DLGAP1: variants seen among roughly 807,000 people sequenced by gnomAD.
DLGAP1 encodes the protein DLG associated protein 1.
In DLGAP1, 11 loss-of-function variants were observed where a neutral mutation model predicts 90.8. The ratio of observed to expected loss-of-function variants is 0.12; its 90% CI spans 0.08 to 0.20. The LOEUF is 0.20. Among genes scored for constraint, DLGAP1 ranks in the 10% least tolerant of loss-of-function variants. DLGAP1 has a pLI of 1.00. For synonymous variants in DLGAP1, 558 were observed against 540.7 expected, an observed-to-expected ratio of 1.03 and a Z score of -0.44; for missense variants, 1,050 against 1,333.8, an observed-to-expected ratio of 0.79 and a Z score of 3.31.
chr18:4,292,815 G>A (rs2079884812), intron 1 of DLGAP1, among the ~76,000 whole-genome samples: 1 of 152,156 alleles, frequency 6.6e-6, no homozygotes, highest in Non-Finnish European at 1.5e-5. Flanking sequence ...AGAAATGTGT[G>A]ACATGGGACC....
chr18:3,816,179 GAGA>G (rs2067095038), intron 4 of DLGAP1, among the ~76,000 whole-genome samples: 1 of 152,160 alleles, frequency 6.6e-6, no homozygotes, highest in Admixed American at 6.5e-5. Context: ...CAGGAGGTCA[GAGA>G]AGGTGAGTAA....
intron 7 of DLGAP1, among the ~76,000 whole-genome samples, chr18:3,673,493 G>C (rs2060173354): frequency 6.6e-6 from 1 of 152,230 alleles, no homozygotes. Context: ...CTAGTAAACA[G>C]CTATTTTAAT....
chr18:4,197,559 G>C (rs1229001655), intron 1 of DLGAP1, among the ~76,000 whole-genome samples: 1 of 152,062 alleles, frequency 6.6e-6, no homozygotes, highest in Admixed American at 6.6e-5. Flanking sequence ...TTTGACAAGG[G>C]GGACAAGAGA....
intron 9 of DLGAP1, among the ~76,000 whole-genome samples, chr18:3,536,312 C>T (rs1248038947): frequency 1.3e-5 from 2 of 150,928 alleles, no homozygotes; most frequent in Non-Finnish European, 2.9e-5. Context: ...CAACCTGTGA[C>T]TCCCTGGTTC....
At chr18:3,752,451 G>A (rs149808662) in intron 5 of DLGAP1, among the ~76,000 whole-genome samples, 263 of 151,694 alleles carry the variant, frequency 1.7e-3, no homozygotes, top group African/African-American at 5.9e-3. Context: ...CATACAATCC[G>A]TGGCCTTTGG....
Position 3,729,985 on chromosome 18 carries a change from G to T in DLGAP1, c.1351-610C>A, listed in dbSNP as rs1308813761. Among the ~76,000 whole-genome samples, 3 of 152,110 alleles carry T rather than the reference G, an allele frequency of 2.0e-5. No individual in the cohort carries two copies. Among genetic ancestry groups the T allele is most frequent in the Non-Finnish European group, 1.5e-5 (1 of 68,012 alleles). ...ATGGAAACATGCCCTATATTTTCTG[G>T]CAAGATACTCACGTTTTGCACAAAA... On this transcript the variant is annotated intron_variant, in intron 6 of 12. Transcript: ENST00000315677. The surrounding 1 kb of genome is among the most constrained non-coding windows in gnomAD (Gnocchi z 6.2).
chr18:4,201,637 A>C (rs1444020798), intron 1 of DLGAP1, among the ~76,000 whole-genome samples: 1 of 152,182 alleles, frequency 6.6e-6, no homozygotes, highest in Non-Finnish European at 1.5e-5. Context: ...AAAAAAACAA[A>C]GAATACCATT....
At chr18:4,412,223 C>G (rs1213171089) in intron 1 of DLGAP1, among the ~76,000 whole-genome samples, 5 of 152,160 alleles carry the variant, frequency 3.3e-5, no homozygotes, top group Admixed American at 3.3e-4. Context: ...AAGAGGGGGA[C>G]TGTGAGATTT....
At chr18:3,725,911 G>A (rs1356791338) in intron 7 of DLGAP1, among the ~76,000 whole-genome samples, 1 of 152,150 alleles carries the variant, frequency 6.6e-6, no homozygotes, top group African/African-American at 2.4e-5. Context: ...TCAGACTCTT[G>A]TCTGTGATTT....
chr18:4,269,453 A>C (rs931313275), intron 1 of DLGAP1, among the ~76,000 whole-genome samples: 1 of 151,120 alleles, frequency 6.6e-6, no homozygotes, highest in Non-Finnish European at 1.5e-5. Context: ...TGCCGGGCTC[A>C]CGCCATTCTC....
At chr18:4,289,156 G>A (rs998193675) in intron 1 of DLGAP1, among the ~76,000 whole-genome samples, 2 of 152,134 alleles carry the variant, frequency 1.3e-5, no homozygotes, top group Non-Finnish European at 2.9e-5. Flanking sequence ...CACTCTCCTA[G>A]GAACAAAGAA....
intron 4 of DLGAP1, among the ~76,000 whole-genome samples, chr18:3,833,988 A>G (rs946477481): frequency 2.0e-5 from 3 of 152,204 alleles, no homozygotes; most frequent in Non-Finnish European, 4.4e-5. Flanking sequence ...TAATTTCTGC[A>G]ATTTATCCAA....
At chr18:4,189,604 T>C (rs1296186458) in intron 1 of DLGAP1, among the ~76,000 whole-genome samples, 6 of 152,080 alleles carry the variant, frequency 3.9e-5, no homozygotes, top group African/African-American at 1.2e-4. Flanking sequence ...TATACAGATA[T>C]AAACAACCAA....
chr18:3,567,809 GAT>G (rs2054523535), intron 8 of DLGAP1, among the ~76,000 whole-genome samples: 1 of 152,092 alleles, frequency 6.6e-6, no homozygotes, highest in African/African-American at 2.4e-5. Flanking sequence ...AAATGTTTAT[GAT>G]TCCTCCACAG....
intron 1 of DLGAP1, among the ~76,000 whole-genome samples, chr18:4,376,606 T>C (rs1419612396): frequency 6.6e-6 from 1 of 152,196 alleles, no homozygotes; most frequent in Non-Finnish European, 1.5e-5. Flanking sequence ...AGATAACTAA[T>C]GTCAAGAGGA....
chr18:4,169,904 T>C (rs1345089960), intron 1 of DLGAP1, among the ~76,000 whole-genome samples: 2 of 152,210 alleles, frequency 1.3e-5, no homozygotes, highest in African/African-American at 2.4e-5. Context: ...CCATCATTCA[T>C]AGCTAAACTT....
At chr18:4,077,298 G>A (rs1216102911) in intron 2 of DLGAP1, among the ~76,000 whole-genome samples, 1 of 152,140 alleles carries the variant, frequency 6.6e-6, no homozygotes, top group East Asian at 1.9e-4. Context: ...TCACTTTCAT[G>A]TTTAACTTCC....
At chr18:3,735,532 T>A (rs2062603283) in intron 6 of DLGAP1, among the ~76,000 whole-genome samples, 1 of 152,184 alleles carries the variant, frequency 6.6e-6, no homozygotes, top group Admixed American at 6.5e-5. Context: ...CCAAAATTCA[T>A]ATTATATGTC....
intron 1 of DLGAP1, among the ~76,000 whole-genome samples, chr18:4,393,663 A>G (rs1383474834): frequency 6.6e-6 from 1 of 152,162 alleles, no homozygotes; most frequent in Non-Finnish European, 1.5e-5. Flanking sequence ...TGAACTCTAC[A>G]TCTGCTTTAC....
Sources: allele counts gnomAD v4.1 joint callset (sites outside exome capture counted in the v4.1 genomes callset), GRCh38; gene constraint gnomAD v4.1.1; non-coding constraint Gnocchi (gnomAD v3.1); transcripts MANE v1.5; gene names NCBI Gene and HGNC (gene_info 2026-07-23, HGNC 2026-07-21).